TLE3: variants seen among roughly 807,000 people sequenced by gnomAD.
TLE3 encodes TLE family member 3, transcriptional corepressor.
Under a neutral mutation model 93.0 loss-of-function variants are expected in TLE3, and 14 were observed. That is an observed-to-expected ratio of 0.15 (90% CI 0.10 to 0.24). The LOEUF is 0.24. TLE3 is among the 10% of genes least tolerant of loss of function. The pLI, the probability that TLE3 is intolerant of heterozygous loss-of-function variation, is 1.00. For missense variants in TLE3, 693 were observed against 1,046.6 expected, an observed-to-expected ratio of 0.66 and a Z score of 4.66; for synonymous variants, 451 against 425.0, an observed-to-expected ratio of 1.06 and a Z score of -0.75.
intron 4 of TLE3, among the ~76,000 whole-genome samples, chr15:70,077,239 G>A (rs1019187908): frequency 2.6e-5 from 4 of 152,248 alleles, no homozygotes; most frequent in Middle Eastern, 3.4e-3. Flanking sequence ...GGTGCTATAC[G>A]GGTTAACTGA....
At chr15:70,082,666 A>T (rs981265534) in intron 4 of TLE3, among the ~76,000 whole-genome samples, 24 of 152,222 alleles carry the variant, frequency 1.6e-4, no homozygotes, top group Admixed American at 1.3e-4. Flanking sequence ...TTGGTACAAG[A>T]AAGGCCCAGC....
intron 4 of TLE3, among the ~76,000 whole-genome samples, chr15:70,089,446 G>A (rs1369733990): frequency 1.3e-5 from 2 of 152,190 alleles, no homozygotes; most frequent in Non-Finnish European, 2.9e-5. Context: ...TTTCACTGAT[G>A]AAGAAACTGG....
chr15:70,061,698 C>A (rs1017499278), intron 8 of TLE3, among the ~76,000 whole-genome samples: 1 of 152,328 alleles, frequency 6.6e-6, no homozygotes, highest in Admixed American at 6.5e-5. Context: ...AGAGTCCAAA[C>A]TTTACCTTCA....
chr15:70,055,022 G>A (rs1211058613), intron 15 of TLE3, 27 bp downstream of exon 15: 2 of 1,572,470 alleles, frequency 1.3e-6, no homozygotes, highest in African/African-American at 1.4e-5. Context: ...CCAGCTGGAG[G>A]CGGCGCAGCA....
Position 70,055,258 on chromosome 15 carries a change from G to A in TLE3, c.1369C>T (p.Pro457Ser). Residue 457 changes from proline to serine, a missense_variant, in exon 15 of 20, where the codon CCC (proline) becomes TCC (serine). Pro to Ser is a moderately conservative substitution (Grantham distance 74, BLOSUM62 -1). Around this residue, in one of 4 missense-constraint regions of TLE3, gnomAD observed 405 missense variants for 468.9 expected, o/e 0.86. Transcript: ENST00000451782. ...AGGGCGTCGTGGGGGAAGGGCACGG[G>A]CTGCATCTGCCCATCAGCACTCACA... ...FHVSADGQMQ[P>S]VPFPHDALAG... 1 of 1,605,732 alleles carries A rather than the reference G, an allele frequency of 6.2e-7. No individual in the cohort carries two copies. Among genetic ancestry groups the A allele is most frequent in the South Asian group, 1.1e-5 (1 of 90,140 alleles).
Position 70,058,067 on chromosome 15 carries a change from T to TC in TLE3, c.1051+91dup. On this transcript the variant is annotated intron_variant, in intron 12 of 19. Transcript: ENST00000451782. The surrounding 1 kb of genome is among the most constrained non-coding windows in gnomAD (Gnocchi z 4.1). The stretch of plus-strand genomic sequence containing the variant: ...CCTGGGAGACACTGCCTGTGCTCTA[T>TC]CCCATGCGTGTGTGTCACCCCTGCC... The TC allele has an allele frequency of 6.3e-7, 1 of 1,579,936 alleles. No individual in the cohort carries two copies. Among genetic ancestry groups the TC allele is most frequent in the Non-Finnish European group, 8.6e-7 (1 of 1,159,208 alleles).
chr15:70,094,689 C>G, intron 3 of TLE3, 113 bp from the exon 4 acceptor site: 1 of 802,262 alleles, frequency 1.2e-6, no homozygotes, highest in Non-Finnish European at 2.0e-6. Context: ...GATACATTTG[C>G]TAAAGAAGTT....
At chr15:70,094,894 C>A (rs113324677) in intron 3 of TLE3, 3 of 289,334 alleles carry the variant, frequency 1.0e-5, no homozygotes, top group African/African-American at 4.3e-5. Context: ...TACACTGGGA[C>A]CCTCTTGTCC....
At position 70,054,659 on chromosome 15, in the gene TLE3, G is replaced by A. The variant is rs1361694485; in HGVS notation, c.1605C>T (p.Cys535=). 5 of 1,603,762 alleles carry A rather than the reference G, an allele frequency of 3.1e-6. No individual in the cohort carries two copies. Among genetic ancestry groups the A allele is most frequent in the Non-Finnish European group, 4.3e-6 (5 of 1,172,956 alleles). The change falls in exon 16 of 20, where the codon TGC becomes TGT. Residue 535 remains cysteine, a synonymous_variant. Coordinates refer to ENST00000451782, the MANE Select transcript of TLE3 (RefSeq NM_001105192.3). ...GCGTGCGCCCATCAGGGAGCAGCTT[G>A]CAGGAGCGGATGTAATTGTCCCTGT... ...CLNRDNYIRS[C]KLLPDGRTLI...
chr15:70,087,348 G>A (rs2058081254), intron 4 of TLE3, among the ~76,000 whole-genome samples: 1 of 152,182 alleles, frequency 6.6e-6, no homozygotes, highest in African/African-American at 2.4e-5. Context: ...TTATCCTGGT[G>A]TCTGTCTGTC....
intron 4 of TLE3, among the ~76,000 whole-genome samples, chr15:70,089,270 T>TG (rs1210905009): frequency 6.6e-6 from 1 of 152,198 alleles, no homozygotes; most frequent in Non-Finnish European, 1.5e-5. Context: ...CTATGACACT[T>TG]GGGCCACATT....
chr15:70,091,418 A>C (rs2058302363), intron 4 of TLE3, among the ~76,000 whole-genome samples: 1 of 152,236 alleles, frequency 6.6e-6, no homozygotes, highest in African/African-American at 2.4e-5. Context: ...GACACTGGAA[A>C]GCCTCTGCAC....
At chr15:70,057,925 A>T in intron 12 of TLE3, 1 of 750,874 alleles carries the variant, frequency 1.3e-6, no homozygotes, top group Non-Finnish European at 2.1e-6. Flanking sequence ...CAGGGGTGGG[A>T]ACAGATTTTG....
chr15:70,055,703 T>C (rs947371984), intron 14 of TLE3: 2 of 199,632 alleles, frequency 1.0e-5, no homozygotes, highest in African/African-American at 2.3e-5. Context: ...GGAAAGTCCA[T>C]GTCAGAGCCT....
chr15:70,055,251 G>T lies in TLE3; in HGVS notation c.1376C>A (p.Pro459His). The change falls in exon 15 of 20, where the codon CCC becomes CAC. Residue 459 changes from proline (P) to histidine (H), a missense_variant. Coordinates refer to ENST00000451782, the MANE Select transcript of TLE3 (RefSeq NM_001105192.3). ...VSADGQMQPV[P>H]FPHDALAGPG... is the part of the protein sequence containing the mutation. ...GCCTGCCAGGGCGTCGTGGGGGAAG[G>T]GCACGGGCTGCATCTGCCCATCAGC... 1 of 1,608,786 alleles carries T rather than the reference G, an allele frequency of 6.2e-7. No homozygotes were observed. Among genetic ancestry groups the T allele is most frequent in the Non-Finnish European group, 8.5e-7 (1 of 1,177,716 alleles).
chr15:70,057,550 G>A lies in TLE3; in HGVS notation c.1160C>T (p.Ala387Val). 4 of 1,603,984 alleles carry A rather than the reference G, an allele frequency of 2.5e-6. No individual in the cohort carries two copies. The highest frequency in any genetic ancestry group is 3.4e-6 in the Non-Finnish European group (4 of 1,175,772). The stretch of plus-strand genomic sequence containing the variant: ...CTGGGGTGGGATGTTGTGGAGGCCG[G>A]CGTAGGCGCCAGGACTGGTGAGGGA... ...NGSLTSPGAY[A>V]GLHNIPPQMS... The change falls in exon 13 of 20, where the codon GCC becomes GTC. Residue 387 changes from alanine to valine, a missense_variant. Coordinates refer to ENST00000451782, the MANE Select transcript of TLE3 (RefSeq NM_001105192.3).
chr15:70,086,947 A>T (rs2058065435), intron 4 of TLE3, among the ~76,000 whole-genome samples: 1 of 152,224 alleles, frequency 6.6e-6, no homozygotes, highest in Non-Finnish European at 1.5e-5. Flanking sequence ...CATTAAAGAC[A>T]CTTTTAAATA....
intron 2 of TLE3, 144 bp downstream of exon 2, chr15:70,096,017 G>C: frequency 9.9e-7 from 1 of 1,012,760 alleles, no homozygotes; most frequent in Non-Finnish European, 1.4e-6. Context: ...GGCGCGCTCG[G>C]AAAGGGGAAA....
chr15:70,055,278 C>T lies in TLE3; in HGVS notation c.1349G>A (p.Ser450Asn). Residue 450 changes from serine (S) to asparagine (N), a missense_variant, in exon 15 of 20, where the codon AGT becomes AAT. This residue lies in a region of TLE3 where 405 missense variants were observed against 468.9 expected (regional missense o/e 0.86). Transcript: ENST00000451782. ...CACGGGCTGCATCTGCCCATCAGCA[C>T]TCACATGGAATGAGTACGCTCTGAA... ...GGKPAYSFHV[S>N]ADGQMQPVPF... 6.3e-7 allele frequency: 1 copy of T among 1,594,816 alleles called. No homozygotes were observed. Among genetic ancestry groups the T allele is most frequent in the Non-Finnish European group, 8.5e-7 (1 of 1,171,484 alleles).
Sources: allele counts gnomAD v4.1 joint callset (sites outside exome capture counted in the v4.1 genomes callset), GRCh38; gene constraint gnomAD v4.1.1; regional missense constraint gnomAD v4.1.1; non-coding constraint Gnocchi (gnomAD v3.1); transcripts MANE v1.5; gene names NCBI Gene and HGNC (gene_info 2026-07-23, HGNC 2026-07-21).